The following PTP4A1 variants were observed in gnomAD, a reference collection of about 807,000 sequenced individuals.
PTP4A1 encodes the protein protein tyrosine phosphatase type IVA 1.
Under a neutral mutation model 20.5 loss-of-function variants are expected in PTP4A1, and 9 were observed. The observed-to-expected ratio is 0.44, with a 90% CI of 0.26 to 0.77. PTP4A1 has a LOEUF of 0.77. Among genes scored for constraint, PTP4A1 ranks in the 30% least tolerant of loss-of-function variants. The probability of loss-of-function intolerance (pLI) is 0.19; values close to 1 mark genes in which losing one functional copy is unlikely to be tolerated. For synonymous variants in PTP4A1, 78 were observed against 67.4 expected (o/e 1.16, Z -0.77); for missense variants, 137 against 218.8 (o/e 0.63, Z 2.36).
At chr6:63,521,955 G>T (rs537003152) in intron 1 of PTP4A1, 1 of 152,312 alleles carries the variant, frequency 6.6e-6, no homozygotes, top group African/African-American at 2.4e-5. Flanking sequence ...TTCATAGAGA[G>T]TTCTGATCTG....
intron 2 of PTP4A1, among the ~76,000 whole-genome samples, chr6:63,531,185 A>G (rs1262868174): frequency 6.6e-6 from 1 of 152,152 alleles, no homozygotes; most frequent in East Asian, 1.9e-4. Context: ...GCAAGCAATG[A>G]GGGCTACCTG....
chr6:63,542,326 A>G (rs1286767026), intron 2 of PTP4A1, among the ~76,000 whole-genome samples: 4 of 152,136 alleles, frequency 2.6e-5, no homozygotes, highest in East Asian at 1.9e-4. Flanking sequence ...AGTGCAGTGT[A>G]TACTGCTCGG....
upstream of PTP4A1, among the ~76,000 whole-genome samples, chr6:63,570,649 C>T (rs1227295797): frequency 6.6e-6 from 1 of 152,194 alleles, no homozygotes; most frequent in Non-Finnish European, 1.5e-5. Flanking sequence ...TATCTTGTCC[C>T]ACCAAATGTA....
At chr6:63,564,862 C>T (rs1777119178) in intron 3 of PTP4A1, among the ~76,000 whole-genome samples, 1 of 152,192 alleles carries the variant, frequency 6.6e-6, no homozygotes, top group Admixed American at 6.5e-5. Flanking sequence ...TCTTCTCAAA[C>T]TAGATTCCTC....
chr6:63,519,079 C>T (rs1774830122), upstream of PTP4A1, among the ~76,000 whole-genome samples: 1 of 152,144 alleles, frequency 6.6e-6, no homozygotes, highest in Non-Finnish European at 1.5e-5. Context: ...CTTTGAGAGG[C>T]CAAGGCGGGC....
intron 2 of PTP4A1, among the ~76,000 whole-genome samples, chr6:63,540,014 A>G (rs1775889460): frequency 6.6e-6 from 1 of 152,186 alleles, no homozygotes; most frequent in African/African-American, 2.4e-5. Flanking sequence ...GTGGACACTG[A>G]TACAGCCATC....
chr6:63,535,825 A>T (rs184876368), intron 2 of PTP4A1, among the ~76,000 whole-genome samples: 7 of 152,266 alleles, frequency 4.6e-5, no homozygotes, highest in Admixed American at 4.6e-4. Flanking sequence ...TGTTAAGTCC[A>T]GCACTTTTTT....
At chr6:63,568,163 A>G (rs534135045), upstream of PTP4A1, among the ~76,000 whole-genome samples, 23 of 152,324 alleles carry the variant, frequency 1.5e-4, no homozygotes, top group African/African-American at 5.3e-4. Context: ...ACTTCCTTCA[A>G]GAGCTTTTCC....
At chr6:63,577,649 C>T (rs1224677915) in intron 2 of PTP4A1, among the ~76,000 whole-genome samples, 2 of 151,916 alleles carry the variant, frequency 1.3e-5, no homozygotes, top group Non-Finnish European at 2.9e-5. Context: ...CTCTGCCTCC[C>T]GGGTTCAAGC....
At position 63,581,727 on chromosome 6, in the gene PTP4A1, G is replaced by T. The variant is rs540155068; in HGVS notation, c.*1553G>T. 2 of 152,094 alleles carry T rather than the reference G, an allele frequency of 1.3e-5. No individual in the cohort carries two copies. The highest frequency in any genetic ancestry group is 4.8e-5 in the African/African-American group (2 of 41,420). The allele number at this position is 152,094 out of a possible 1,614,324, so 9.4% of individuals were successfully genotyped here. ...GAGAAATAATGTATAGTAGAGGACA[G>T]CCTTGGTTTGTAAAGCTCAGTTCCA... On this transcript the variant is annotated 3_prime_UTR_variant, in exon 6 of 6. Coordinates refer to ENST00000626021, the MANE Select transcript of PTP4A1 (RefSeq NM_003463.5).
chr6:63,523,070 T>C (rs1465142817), intron 1 of PTP4A1, among the ~76,000 whole-genome samples: 1 of 151,896 alleles, frequency 6.6e-6, no homozygotes, highest in Non-Finnish European at 1.5e-5. Context: ...TCACCTTTTT[T>C]GGCCAGGCTG....
rs954212394 is a variant in PTP4A1, at chr6:63,562,538, T to C, written c.-446+12045T>C. On this transcript the variant is annotated intron_variant, in intron 3 of 3. Transcript: ENST00000639568. ...TCCGAAAAGTATTTCATTATATAGATACTTCAAGTGATATCACCCACTATG... is the reference window on the plus strand; with the variant it reads ...TCCGAAAAGTATTTCATTATATAGACACTTCAAGTGATATCACCCACTATG... Among the ~76,000 whole-genome samples the C allele has an allele frequency of 6.6e-5, 10 of 152,220 alleles. No individual in the cohort carries two copies. The South Asian group carries it at 2.1e-3, about 31-fold the overall frequency.
At chr6:63,534,503 T>C (rs1292753486) in intron 2 of PTP4A1, among the ~76,000 whole-genome samples, 1 of 151,526 alleles carries the variant, frequency 6.6e-6, no homozygotes, top group Non-Finnish European at 1.5e-5. Flanking sequence ...AACTGGGGTC[T>C]AAGCCAATGC....
At chr6:63,522,902 T>C (rs1338790648) in intron 1 of PTP4A1, among the ~76,000 whole-genome samples, 2 of 147,660 alleles carry the variant, frequency 1.4e-5, no homozygotes, top group South Asian at 2.1e-4. Context: ...TCTCACTCTG[T>C]CAACCAGGCT....
At chr6:63,520,892 A>G (rs1003640249), upstream of PTP4A1, among the ~76,000 whole-genome samples, 1 of 152,184 alleles carries the variant, frequency 6.6e-6, no homozygotes, top group South Asian at 2.1e-4. Context: ...ACCATGGAAT[A>G]CTATGCAGCC....
intron 1 of PTP4A1, among the ~76,000 whole-genome samples, chr6:63,526,963 T>C (rs577057611): frequency 6.6e-6 from 1 of 151,952 alleles, no homozygotes; most frequent in African/African-American, 2.4e-5. Context: ...TCAAAATGAT[T>C]TCAAGTTTAT....
intron 2 of PTP4A1, among the ~76,000 whole-genome samples, chr6:63,543,803 C>A (rs536101514): frequency 6.6e-6 from 1 of 152,306 alleles, no homozygotes; most frequent in South Asian, 2.1e-4. Context: ...TTTCTAGCAA[C>A]TTTCTACCCA....
At position 63,582,838 on chromosome 6, in the gene PTP4A1, T is replaced by C. The variant is rs1181114657; in HGVS notation, c.*2664T>C. 6.6e-6 allele frequency: 1 copy of C among 152,136 alleles called. No homozygotes were observed. 9.4% of individuals were successfully genotyped at this position (152,136 alleles called of 1,614,324 possible). A position where few individuals can be genotyped will look rare whatever the true frequency, so the allele number is the denominator to read the frequency against. On this transcript the variant is annotated 3_prime_UTR_variant, in exon 6 of 6. Coordinates refer to ENST00000626021, the MANE Select transcript of PTP4A1 (RefSeq NM_003463.5). ...TGCCCTCTTTTCCCTAGGGCATTGC[T>C]CTCCTATTCCCACGCCTTAACACAG...
At chr6:63,578,827 T>G in intron 3 of PTP4A1, 71 bp from the exon 4 acceptor site, 12 of 1,341,056 alleles carry the variant, frequency 8.9e-6, no homozygotes, top group Non-Finnish European at 1.2e-5. Flanking sequence ...ATTTCCATGT[T>G]AGAAATTTAG....
Sources: allele counts gnomAD v4.1 joint callset (sites outside exome capture counted in the v4.1 genomes callset), GRCh38; gene constraint gnomAD v4.1.1; transcripts MANE v1.5; gene names NCBI Gene and HGNC (gene_info 2026-07-23, HGNC 2026-07-21).